TKFC: variants seen among roughly 807,000 people sequenced by gnomAD.
TKFC encodes the protein triokinase/FMN cyclase.
TKFC carries 46 observed loss-of-function variants against 61.0 expected under a neutral mutation model. The observed-to-expected ratio is 0.75, with a 90% confidence interval of 0.60 to 0.96. TKFC has a LOEUF of 0.96. Among genes scored for constraint, TKFC ranks in the 50% least tolerant of loss-of-function variants. TKFC has a pLI of 0.00. For synonymous variants in TKFC, 314 were observed against 330.1 expected (o/e 0.95, Z 0.53); for missense variants, 715 against 777.5 (o/e 0.92, Z 0.96).
chr11:61,345,624 T>C (rs1857084831), intron 15 of TKFC, 59 bp downstream of exon 15: 2 of 1,612,320 alleles, frequency 1.2e-6, no homozygotes, highest in Admixed American at 3.3e-5. Context: ...TTTGGTGACA[T>C]CTGCGCCCTG....
At position 61,341,470 on chromosome 11, in the gene TKFC, TGGA is replaced by T; in HGVS notation, c.526_528del (p.Glu176del). ...GCTCTGGCTGAGGCTGGTGTGGGGC[TGGA>T]GGAGATCGCAAAGCAGGTGAACGTG... On this transcript the variant is annotated inframe_deletion, in exon 6 of 18. Transcript: ENST00000394900. 1 of 1,555,104 alleles carries T rather than the reference TGGA, an allele frequency of 6.4e-7. No homozygotes were observed. Among genetic ancestry groups the T allele is most frequent in the Non-Finnish European group, 8.7e-7 (1 of 1,148,690 alleles).
At chr11:61,353,132 A>G (rs778479865), downstream of TKFC, 5 of 1,606,862 alleles carry the variant, frequency 3.1e-6, no homozygotes, top group Non-Finnish European at 4.2e-6. Context: ...AGCAAAGCCC[A>G]GGAACCACTG....
intron 2 of TKFC, among the ~76,000 whole-genome samples, chr11:61,336,958 A>G (rs1032524872): frequency 4.0e-5 from 6 of 150,952 alleles, no homozygotes; most frequent in South Asian, 2.1e-4. Flanking sequence ...CCCTCCTCCC[A>G]TGTCTCCTGC....
At chr11:61,335,140 G>A (rs534851481) in intron 2 of TKFC, among the ~76,000 whole-genome samples, 15 of 152,334 alleles carry the variant, frequency 9.8e-5, no homozygotes, top group Middle Eastern at 3.4e-3. Context: ...CAGTGTGGGA[G>A]GCTGGCCATG....
downstream of TKFC, chr11:61,349,988 T>A (rs557804415): frequency 4.1e-5 from 19 of 465,576 alleles, no homozygotes; most frequent in East Asian, 4.8e-4. Context: ...TCAGTCTGAT[T>A]TCTTCAGACA....
rs1565047370 is a variant in TKFC, at chr11:61,338,037, C to T, written c.100C>T (p.His34Tyr). 1 of 1,613,504 alleles carries T rather than the reference C, an allele frequency of 6.2e-7. No homozygotes were observed. Among genetic ancestry groups the T allele is most frequent in the East Asian group, 2.2e-5 (1 of 44,860 alleles). ...CCCCAACCTGCAGCTCCTGCAGGGC[C>T]ACCGCGTGGCCCTCCGTTCTGACCT... ...CNPNLQLLQG[H>Y]RVALRSDLDS... Residue 34 changes from histidine to tyrosine, a missense_variant, in exon 3 of 18, where the codon CAC (histidine) becomes TAC (tyrosine). Physicochemically the swap from His to Tyr is moderately conservative, Grantham distance 83. Coordinates refer to ENST00000394900, the MANE Select transcript of TKFC (RefSeq NM_015533.4).
intron 2 of TKFC, among the ~76,000 whole-genome samples, chr11:61,337,362 T>G (rs1408101150): frequency 6.6e-6 from 1 of 152,128 alleles, no homozygotes; most frequent in African/African-American, 2.4e-5. Context: ...CCCAGGCCGG[T>G]CTCAAAGTCT....
chr11:61,352,943 C>A, downstream of TKFC: 1 of 1,613,954 alleles, frequency 6.2e-7, no homozygotes, highest in Non-Finnish European at 8.5e-7. Flanking sequence ...AGACCCTATT[C>A]CCTCCTCTTC....
intron 2 of TKFC, among the ~76,000 whole-genome samples, chr11:61,337,067 C>T (rs187959712): frequency 2.0e-5 from 3 of 152,332 alleles, no homozygotes; most frequent in South Asian, 2.1e-4. Flanking sequence ...GGTGCACGTG[C>T]GCTCCTCGTG....
rs1491366432 is a variant in TKFC, at chr11:61,346,347, CCA to C, written c.1576-3_1576-2del. 1 of 1,612,450 alleles carries C rather than the reference CCA, an allele frequency of 6.2e-7. No individual in the cohort carries two copies. The highest frequency in any genetic ancestry group is 1.7e-5 in the Admixed American group (1 of 60,028). On this transcript the variant is annotated splice_acceptor_variant and splice_polypyrimidine_tract_variant and intron_variant, in intron 17 of 17. Transcript: ENST00000394900. LOFTEE classifies it high-confidence loss of function. The surrounding 1 kb of genome is among the most constrained non-coding windows in gnomAD (Gnocchi z 4.1). Reference sequence around the variant, plus strand: ...TGAACCTGCTCCCACACCCCATCCCCCAGAGTGCCGAAGCTGCAGCCGAGGCC... The same window carrying C: ...TGAACCTGCTCCCACACCCCATCCCCGAGTGCCGAAGCTGCAGCCGAGGCC...
intron 3 of TKFC, 132 bp downstream of exon 3, chr11:61,338,262 C>A: frequency 1.2e-6 from 1 of 845,816 alleles, no homozygotes; most frequent in Non-Finnish European, 1.7e-6. Flanking sequence ...CCCACTCTCC[C>A]ACTCCCTCCG....
chr11:61,350,412 T>G, downstream of TKFC: 1 of 1,611,340 alleles, frequency 6.2e-7, no homozygotes, highest in Non-Finnish European at 8.5e-7. Flanking sequence ...CTCCCCATCA[T>G]GCAGCAGGGG....
At chr11:61,353,111 A>G (rs1276406975), downstream of TKFC, 1 of 1,612,368 alleles carries the variant, frequency 6.2e-7, no homozygotes, top group East Asian at 2.2e-5. Context: ...CGCCCAGGGC[A>G]GGAGGAAGAC....
Position 61,342,810 on chromosome 11 carries a change from G to A in TKFC, c.831G>A (p.Leu277=). The change falls in exon 10 of 18, where the codon CTG becomes CTA. Residue 277 remains leucine, a synonymous_variant. Transcript: ENST00000394900. ...TGGGTGGCCTGTCATTCCTGGAACT[G>A]GGCATCATAGCCGACGCTACCGTCC... ...NNLGGLSFLE[L]GIIADATVRS... is the part of the protein sequence containing the mutation. The A allele has an allele frequency of 6.2e-7, 1 of 1,614,066 alleles. No individual in the cohort carries two copies. The highest frequency in any genetic ancestry group is 8.5e-7 in the Non-Finnish European group (1 of 1,180,026).
intron 2 of TKFC, 102 bp downstream of exon 2, chr11:61,334,833 A>G: frequency 3.2e-6 from 5 of 1,547,596 alleles, no homozygotes; most frequent in South Asian, 1.1e-5. Context: ...GAGAGATGCT[A>G]TTGCCTCCTG....
downstream of TKFC, chr11:61,352,931 G>C: frequency 6.2e-7 from 1 of 1,613,402 alleles, no homozygotes; most frequent in East Asian, 2.2e-5. Context: ...TGTATCTTTT[G>C]AAGACCCTAT....
At position 61,341,504 on chromosome 11, in the gene TKFC, C is replaced by G. The variant is rs757831631; in HGVS notation, c.555C>G (p.Ala185=). The change falls in exon 6 of 18, where the codon GCC becomes GCG. Residue 185 remains alanine, a synonymous_variant. Transcript: ENST00000394900. The part of the protein sequence containing the change: ...EEIAKQVNVV[A]KAMGTLGVSL... ...TCGCAAAGCAGGTGAACGTGGTCGC[C>G]AAGGCCATGGGTGAGTGCTGGCCTG... is the stretch of plus-strand genomic sequence containing the variant. 2 of 1,554,572 alleles carry G rather than the reference C, an allele frequency of 1.3e-6. No individual in the cohort carries two copies. The highest frequency in any genetic ancestry group is 1.7e-6 in the Non-Finnish European group (2 of 1,148,550).
rs1279562297 is a variant in TKFC, at chr11:61,346,813, C to G, written c.*310C>G. ...GGCATTTTCCTTGTGCAGCCTTTAC[C>G]TGGCAATCCTAATTTGGTTTTAAGA... is the stretch of plus-strand genomic sequence containing the variant. On this transcript the variant is annotated 3_prime_UTR_variant, in exon 18 of 18. Coordinates refer to ENST00000394900, the MANE Select transcript of TKFC (RefSeq NM_015533.4). The surrounding 1 kb of genome is among the most constrained non-coding windows in gnomAD (Gnocchi z 4.1). The G allele has an allele frequency of 1.9e-5, 21 of 1,127,534 alleles. No homozygotes were observed. The highest frequency in any genetic ancestry group is 2.2e-5 in the Non-Finnish European group (20 of 920,728). 69.8% of individuals were successfully genotyped at this position (1,127,534 alleles called of 1,614,324 possible).
At chr11:61,350,916 C>CCCCA, downstream of TKFC, 2 of 1,523,712 alleles carry the variant, frequency 1.3e-6, no homozygotes, top group Non-Finnish European at 1.8e-6. Flanking sequence ...CTTGTCAAGG[C>CCCCA]CCCAGCCTTT....
Sources: gnomAD v4.1 joint callset for allele counts (sites outside exome capture counted in the v4.1 genomes callset) on GRCh38, gnomAD v4.1.1 for gene constraint, Gnocchi (gnomAD v3.1) non-coding constraint, MANE v1.5 for transcripts, NCBI Gene and HGNC (gene_info 2026-07-23, HGNC 2026-07-21) for gene names.